PEX7: variants seen among roughly 807,000 people sequenced by gnomAD.
PEX7 encodes PTS2 receptor.
In PEX7, 34 loss-of-function variants were observed where a neutral mutation model predicts 47.5. The observed-to-expected ratio is 0.72, with a 90% CI of 0.54 to 0.95. The LOEUF is 0.95. Among genes scored for constraint, PEX7 ranks in the 40% least tolerant of loss-of-function variants. The pLI is 0.00. For synonymous variants in PEX7, 141 were observed against 148.8 expected (o/e 0.95, Z 0.38); for missense variants, 394 against 400.3 (o/e 0.98, Z 0.13).
At chr6:136,899,533 C>T (rs1018882628) in intron 9 of PEX7, among the ~76,000 whole-genome samples, 1 of 152,100 alleles carries the variant, frequency 6.6e-6, no homozygotes, top group Non-Finnish European at 1.5e-5. Context: ...CATGAACCAC[C>T]GTGCCTGGCC....
chr6:136,908,995 T>C (rs1048366063), intron 9 of PEX7, among the ~76,000 whole-genome samples: 2 of 152,236 alleles, frequency 1.3e-5, no homozygotes, highest in Non-Finnish European at 2.9e-5. Context: ...TTGCCTACTT[T>C]TATGGGACCC....
chr6:136,846,285 A>C (rs2115172053), intron 5 of PEX7, 104 bp downstream of exon 5: 1 of 577,836 alleles, frequency 1.7e-6, no homozygotes, highest in South Asian at 2.6e-5. Context: ...AGAAAACAGG[A>C]GAATATTACT....
intron 8 of PEX7, among the ~76,000 whole-genome samples, chr6:136,888,840 T>C (rs569986219): frequency 6.6e-6 from 1 of 152,272 alleles, no homozygotes; most frequent in South Asian, 2.1e-4. Flanking sequence ...CAGTCATTAA[T>C]AAAACAATTT....
chr6:136,867,734 G>A (rs778584974), intron 6 of PEX7, among the ~76,000 whole-genome samples: 4 of 151,642 alleles, frequency 2.6e-5, no homozygotes, highest in Non-Finnish European at 4.4e-5. Flanking sequence ...CCAAGATCAC[G>A]CCACTGCACT....
At chr6:136,831,076 G>A (rs2115140335) in intron 3 of PEX7, among the ~76,000 whole-genome samples, 1 of 152,260 alleles carries the variant, frequency 6.6e-6, no homozygotes, top group Admixed American at 6.5e-5. Flanking sequence ...ATAATGATAG[G>A]TATTGTATTA....
chr6:136,873,995 C>T (rs1775225011), intron 8 of PEX7, among the ~76,000 whole-genome samples: 1 of 152,166 alleles, frequency 6.6e-6, no homozygotes, highest in Non-Finnish European at 1.5e-5. Flanking sequence ...ATCATTTTCT[C>T]ACCATGGTGT....
chr6:136,858,094 G>A, intron 5 of PEX7, among the ~76,000 whole-genome samples: 1 of 152,222 alleles, frequency 6.6e-6, no homozygotes, highest in East Asian at 1.9e-4. Flanking sequence ...TGGGATTACA[G>A]GCATGAGCCA....
rs140264109 is a variant in PEX7 at position 136,869,816 on chromosome 6, T to C, written c.634-74T>C. 624 of 1,075,442 alleles carry C rather than the reference T, an allele frequency of 5.8e-4. 5 individuals carry two copies. In the African/African-American group the frequency reaches 8.9e-3, roughly 15 times the overall value. The allele number at this position is 1,075,442 out of a possible 1,614,324, so 66.6% of individuals were successfully genotyped here. ...AATAGTTATCAGAAAGCAGATGTTG[T>C]TTCTAGTAGGAAAGCCTGCATACTG... On this transcript the variant is annotated intron_variant, in intron 6 of 9. Coordinates refer to ENST00000318471, the MANE Select transcript of PEX7 (RefSeq NM_000288.4).
At chr6:136,854,156 C>G (rs1250404510) in intron 5 of PEX7, among the ~76,000 whole-genome samples, 3 of 151,994 alleles carry the variant, frequency 2.0e-5, no homozygotes, top group Non-Finnish European at 4.4e-5. Context: ...ATCAATTAAC[C>G]CTTTCATTTA....
chr6:136,836,331 T>C (rs1774384349), intron 3 of PEX7, among the ~76,000 whole-genome samples: 1 of 151,620 alleles, frequency 6.6e-6, no homozygotes, highest in Non-Finnish European at 1.5e-5. Flanking sequence ...GGAAAAATAA[T>C]TCAAAAACTA....
At chr6:136,902,069 G>C (rs1775762041) in intron 9 of PEX7, among the ~76,000 whole-genome samples, 1 of 152,234 alleles carries the variant, frequency 6.6e-6, no homozygotes, top group Admixed American at 6.5e-5. Context: ...ACAGGCGTGA[G>C]CCACTGCGCC....
intron 3 of PEX7, among the ~76,000 whole-genome samples, chr6:136,832,287 A>G (rs963680947): frequency 1.3e-5 from 2 of 152,244 alleles, no homozygotes; most frequent in African/African-American, 4.8e-5. Context: ...CCTTTTAGCC[A>G]TGGCTGGAGC....
rs1230957148 is a variant in PEX7, at chr6:136,910,334, T to TC, written c.904-3124_904-3123insC. On this transcript the variant is annotated intron_variant, in intron 9 of 9. Transcript: ENST00000318471. ...ATTATGGGTACAATGAATGACTTCA[T>TC]AGAGGAGATGATACCTAAACTGATT... 3.3e-5 allele frequency among the ~76,000 whole-genome samples: 5 copies of TC among 152,206 alleles called. No homozygotes were observed. The East Asian group carries it at 7.7e-4, about 24-fold the overall frequency.
chr6:136,855,934 T>C (rs974158931), intron 5 of PEX7: 2 of 216,308 alleles, frequency 9.2e-6, no homozygotes, highest in East Asian at 3.3e-4. Context: ...TGGACGTCAG[T>C]CAGAATTGTG....
intron 9 of PEX7, among the ~76,000 whole-genome samples, chr6:136,903,728 T>G (rs922456487): frequency 2.6e-4 from 39 of 152,056 alleles, no homozygotes; most frequent in Admixed American, 2.3e-3. Context: ...TGGTACGTCA[T>G]GGCTCATTGT....
chr6:136,822,949 C>G, intron 1 of PEX7, 154 bp downstream of exon 1: 1 of 985,430 alleles, frequency 1.0e-6, no homozygotes, highest in Non-Finnish European at 1.2e-6. Flanking sequence ...GTCGGCGCTT[C>G]TCCTTTCTTT....
At chr6:136,828,234 G>A (rs946095500) in intron 3 of PEX7, among the ~76,000 whole-genome samples, 1 of 152,054 alleles carries the variant, frequency 6.6e-6, no homozygotes, top group Non-Finnish European at 1.5e-5. Context: ...TGTTTTTAGT[G>A]TACATTGAGA....
chr6:136,842,543 C>G (rs1424194914), intron 3 of PEX7, among the ~76,000 whole-genome samples: 4 of 152,214 alleles, frequency 2.6e-5, no homozygotes, highest in Admixed American at 6.5e-5. Flanking sequence ...CTGCATCACA[C>G]TGGAAATGTG....
intron 4 of PEX7, 128 bp downstream of exon 4, chr6:136,845,820 AAAATT>A: frequency 1.4e-6 from 1 of 734,106 alleles, no homozygotes; most frequent in South Asian, 1.6e-5. Flanking sequence ...TTTTAAAAAA[AAAATT>A]AAAACACTTA....
Sources: allele counts gnomAD v4.1 joint callset (sites outside exome capture counted in the v4.1 genomes callset), GRCh38; gene constraint gnomAD v4.1.1; transcripts MANE v1.5; gene names NCBI Gene and HGNC (gene_info 2026-07-23, HGNC 2026-07-21).